CHN2: variants seen among roughly 807,000 people sequenced by gnomAD.
The protein encoded by CHN2 is beta-chimaerin.
Under a neutral mutation model 56.3 loss-of-function variants are expected in CHN2, and 35 were observed. The ratio of observed to expected loss-of-function variants is 0.62; its 90% CI spans 0.47 to 0.82. CHN2 has a LOEUF of 0.82. Among genes scored for constraint, CHN2 ranks in the 40% least tolerant of loss-of-function variants. The probability of loss-of-function intolerance (pLI) is 0.00; values close to 1 mark genes in which losing one functional copy is unlikely to be tolerated. For missense variants in CHN2, 491 were observed against 580.5 expected (o/e 0.85, Z 1.58); for synonymous variants, 210 against 212.8 (o/e 0.99, Z 0.12).
At chr7:29,194,055 GCT>G (rs1783241973), upstream of CHN2, 1 of 152,282 alleles carries the variant, frequency 6.6e-6, no homozygotes, top group African/African-American at 2.4e-5. Flanking sequence ...CTCCATAGTG[GCT>G]CTGTCATCCC....
intron 6 of CHN2, among the ~76,000 whole-genome samples, chr7:29,438,152 G>A (rs371626418): frequency 4.6e-5 from 7 of 152,222 alleles, no homozygotes; most frequent in South Asian, 2.1e-4. Context: ...ACAGAGCAGC[G>A]TGCAACTCTA....
At chr7:29,472,680 GT>G (rs148509026) in intron 6 of CHN2, among the ~76,000 whole-genome samples, 6 of 150,228 alleles carry the variant, frequency 4.0e-5, no homozygotes, top group South Asian at 4.2e-4. Context: ...AAATGGGCAT[GT>G]TTTTTTTTTC....
intron 6 of CHN2, among the ~76,000 whole-genome samples, chr7:29,402,437 G>A (rs760981323): frequency 3.9e-5 from 6 of 152,216 alleles, no homozygotes; most frequent in Non-Finnish European, 8.8e-5. Context: ...GAGAGGACTT[G>A]AGTCCCAACT....
At position 29,417,309 on chromosome 7, in the gene CHN2, T is replaced by C. The variant is rs546318930; in HGVS notation, c.576+16481T>C. Among the ~76,000 whole-genome samples the C allele has an allele frequency of 4.0e-4, 59 of 148,548 alleles. 1 individual carries two copies. The Middle Eastern group carries it at 0.014, about 36-fold the overall frequency. ...AATTTTCCCAGGTTGCTCATTGTCT[T>C]TGTGACATTTTTTTACTGTAACCCT... is the stretch of plus-strand genomic sequence containing the variant. On this transcript the variant is annotated intron_variant, in intron 6 of 12. Coordinates refer to ENST00000222792, the MANE Select transcript of CHN2 (RefSeq NM_004067.4).
rs1387921215 is a variant in CHN2, at chr7:29,197,883, T to G, written c.49+2893T>G. ...TAGAGGGGTCAGTGGAAATGTCATA[T>G]GAGTTGGGCCTTGAAAGCTGAGTAG... On this transcript the variant is annotated intron_variant, in intron 1 of 12. Transcript: ENST00000222792. 4 of 455,974 alleles carry G rather than the reference T, an allele frequency of 8.8e-6. No homozygotes were observed. The Admixed American group carries it at 9.4e-5, about 11-fold the overall frequency. 28.2% of individuals were successfully genotyped at this position (455,974 alleles called of 1,614,324 possible).
At chr7:29,191,251 T>C (rs1409194412), upstream of CHN2, among the ~76,000 whole-genome samples, 1 of 152,104 alleles carries the variant, frequency 6.6e-6, no homozygotes, top group African/African-American at 2.4e-5. Context: ...TGGACTAAGG[T>C]AATGAAATAT....
chr7:29,484,154 T>C (rs1787689438), intron 7 of CHN2, among the ~76,000 whole-genome samples: 1 of 152,204 alleles, frequency 6.6e-6, no homozygotes, highest in Non-Finnish European at 1.5e-5. Flanking sequence ...TAAGAGAAAA[T>C]GAAATAAAGC....
intron 1 of CHN2, among the ~76,000 whole-genome samples, chr7:29,206,362 C>G (rs1251452993): frequency 6.6e-6 from 1 of 152,078 alleles, no homozygotes; most frequent in African/African-American, 2.4e-5. Flanking sequence ...GCTCACTGCA[C>G]CCTGCGCTTC....
intron 4 of CHN2, 30 bp downstream of exon 4, chr7:29,393,740 A>G (rs57232784): frequency 0.12 from 87,723 of 733,876 alleles, 8,102 homozygotes; most frequent in African/African-American, 0.41. Flanking sequence ...TTGTTTTAAT[A>G]ATTTAATAAG....
At chr7:29,409,023 A>C (rs1416957329) in intron 6 of CHN2, among the ~76,000 whole-genome samples, 3 of 152,240 alleles carry the variant, frequency 2.0e-5, no homozygotes, top group African/African-American at 7.2e-5. Flanking sequence ...AATGTGCAAG[A>C]ACAAATTTTT....
intron 1 of CHN2, among the ~76,000 whole-genome samples, chr7:29,340,781 G>T (rs748799484): frequency 6.6e-6 from 1 of 152,234 alleles, no homozygotes; most frequent in Admixed American, 6.5e-5. Flanking sequence ...CTAATTCTCG[G>T]CACATATATG....
Position 29,221,497 on chromosome 7 carries a change from T to C in CHN2, c.49+26507T>C, listed in dbSNP as rs182861912. 1.5e-3 allele frequency among the ~76,000 whole-genome samples: 235 copies of C among 152,288 alleles called. 1 individual carries two copies. The highest frequency in any genetic ancestry group is 5.3e-3 in the African/African-American group (220 of 41,558). ...TGTTTTAAGTTCCGGGATGTATGTG[T>C]AGGATGTGCAGGTTTGTTACATAGG... is the stretch of plus-strand genomic sequence containing the variant. On this transcript the variant is annotated intron_variant, in intron 1 of 12. Coordinates refer to ENST00000222792, the MANE Select transcript of CHN2 (RefSeq NM_004067.4).
chr7:29,455,144 G>T (rs1784659217), intron 6 of CHN2, among the ~76,000 whole-genome samples: 1 of 152,078 alleles, frequency 6.6e-6, no homozygotes, highest in African/African-American at 2.4e-5. Context: ...TACTGAGTTA[G>T]CTGAGAAGAA....
chr7:29,259,326 C>CAAAAA (rs61063244), intron 1 of CHN2, among the ~76,000 whole-genome samples: 214 of 147,064 alleles, frequency 1.5e-3, no homozygotes, highest in East Asian at 5.4e-3. Flanking sequence ...GACCTTGTCT[C>CAAAAA]AAAAAAAAAA....
At chr7:29,423,048 A>G (rs1377688414) in intron 6 of CHN2, among the ~76,000 whole-genome samples, 1 of 152,140 alleles carries the variant, frequency 6.6e-6, no homozygotes, top group Non-Finnish European at 1.5e-5. Flanking sequence ...TTCGTACCAA[A>G]CCTTGCCTAT....
At chr7:29,221,063 T>G (rs989966068) in intron 1 of CHN2, among the ~76,000 whole-genome samples, 4 of 152,184 alleles carry the variant, frequency 2.6e-5, no homozygotes, top group Non-Finnish European at 5.9e-5. Context: ...CCGCACTTGG[T>G]TATAATAAAA....
Position 29,252,583 on chromosome 7 carries a change from T to TGTTTTTG in CHN2, c.49+57593_49+57594insGTTTTTG, listed in dbSNP as rs1562866439. Among the ~76,000 whole-genome samples, 3 of 19,252 alleles carry TGTTTTTG rather than the reference T, an allele frequency of 1.6e-4. 1 individual carries two copies. The African/African-American group carries it at 2.2e-3, about 14-fold the overall frequency. The allele number at this position is 19,252 out of a possible 152,430, so 12.6% of individuals were successfully genotyped here. A position where few individuals can be genotyped will look rare whatever the true frequency, so the allele number is the denominator to read the frequency against. On this transcript the variant is annotated intron_variant, in intron 1 of 12. Transcript: ENST00000222792. ...TGTCTAAAATTGCATTCTTTGTTTT[T>TGTTTTTG]TTTTTTTTTTTTTTTTTTTTTTTGA...
At chr7:29,307,236 A>C (rs973662162) in intron 1 of CHN2, among the ~76,000 whole-genome samples, 1 of 152,228 alleles carries the variant, frequency 6.6e-6, no homozygotes, top group African/African-American at 2.4e-5. Flanking sequence ...TTAAAAGCCT[A>C]ATAAAAAAGC....
chr7:29,389,259 G>A (rs998787804), intron 3 of CHN2, among the ~76,000 whole-genome samples: 6 of 152,132 alleles, frequency 3.9e-5, no homozygotes, highest in African/African-American at 7.2e-5. Flanking sequence ...TTTTTGTCTC[G>A]AATGTTTTTC....
Sources: allele counts gnomAD v4.1 joint callset (sites outside exome capture counted in the v4.1 genomes callset), GRCh38; gene constraint gnomAD v4.1.1; transcripts MANE v1.5; gene names NCBI Gene and HGNC (gene_info 2026-07-23, HGNC 2026-07-21).